VWF: variants seen among roughly 807,000 people sequenced by gnomAD.
The protein encoded by VWF is Factor VIII related antigen.
Under a neutral mutation model 308.6 loss-of-function variants are expected in VWF, and 176 were observed. The ratio of observed to expected loss-of-function variants is 0.57; its 90% CI spans 0.50 to 0.65. The LOEUF (loss-of-function observed/expected upper bound fraction) is 0.65, where lower values mean the gene tolerates loss of function less well. Among genes scored for constraint, VWF ranks in the 30% least tolerant of loss-of-function variants. The pLI is 0.00. For synonymous variants in VWF, 1,385 were observed against 1,443.4 expected, an observed-to-expected ratio of 0.96 and a Z score of 0.92; for missense variants, 3,146 against 3,648.2, an observed-to-expected ratio of 0.86 and a Z score of 3.55.
intron 2 of VWF, among the ~76,000 whole-genome samples, chr12:6,122,150 C>T (rs967350722): frequency 4.6e-5 from 7 of 152,126 alleles, no homozygotes; most frequent in African/African-American, 7.2e-5. Flanking sequence ...AACAATTTGT[C>T]GTGCTAGTGT....
chr12:5,982,936 G>A (rs1170050162), intron 41 of VWF, among the ~76,000 whole-genome samples: 1 of 152,176 alleles, frequency 6.6e-6, no homozygotes, highest in Non-Finnish European at 1.5e-5. Context: ...CTGTGGCTGT[G>A]CCCACACCTG....
At chr12:5,982,985 A>G (rs1342630170) in intron 41 of VWF, among the ~76,000 whole-genome samples, 165 bp downstream of exon 41, 2 of 152,216 alleles carry the variant, frequency 1.3e-5, no homozygotes, top group African/African-American at 4.8e-5. Flanking sequence ...GATTCCGTGC[A>G]GGTGTGACCC....
intron 18 of VWF, among the ~76,000 whole-genome samples, chr12:6,038,480 A>G (rs979572798): frequency 2.6e-5 from 4 of 151,796 alleles, no homozygotes; most frequent in African/African-American, 4.8e-5. Context: ...TGCATGCTGC[A>G]TGTTTTTACC....
At chr12:6,023,122 A>G (rs1329054385) in intron 25 of VWF, among the ~76,000 whole-genome samples, 1 of 152,088 alleles carries the variant, frequency 6.6e-6, no homozygotes, top group Non-Finnish European at 1.5e-5. Flanking sequence ...GGGTCTTGCT[A>G]TGTTGCCCAG....
rs188770015 is a variant in VWF, at chr12:6,017,415, A to G, written c.5054-545T>C. On this transcript the variant is annotated intron_variant, in intron 28 of 51. Transcript: ENST00000261405. ...TTGTTTTCCTCAGCAGAAATATTAC[A>G]AGAATTTAAATAAATCTATGGCCGT... 3.5e-4 allele frequency among the ~76,000 whole-genome samples: 53 copies of G among 152,380 alleles called. 1 individual carries two copies. Among genetic ancestry groups the G allele is most frequent in the African/African-American group, 1.2e-3 (51 of 41,592 alleles).
At chr12:6,010,784 G>A (rs142531355) in intron 34 of VWF, among the ~76,000 whole-genome samples, 1 of 152,322 alleles carries the variant, frequency 6.6e-6, no homozygotes, top group East Asian at 1.9e-4. Context: ...GAGGCAGGCA[G>A]CCTAAATTGG....
chr12:6,005,160 T>C (rs1030794959), intron 34 of VWF, among the ~76,000 whole-genome samples: 1 of 152,136 alleles, frequency 6.6e-6, no homozygotes, highest in Non-Finnish European at 1.5e-5. Context: ...TACCAGACAA[T>C]AAAACATACC....
chr12:5,961,996 G>A (rs185691158), intron 47 of VWF, among the ~76,000 whole-genome samples: 1 of 152,046 alleles, frequency 6.6e-6, no homozygotes, highest in East Asian at 1.9e-4. Flanking sequence ...ATGCCCTAGT[G>A]CCTTTTGCCT....
rs748315151 is a variant in VWF at position 5,971,688 on chromosome 12, C to A, written c.7459G>T (p.Glu2487Ter). Residue 2487 changes from glutamate (E) to a stop codon, truncating the protein, a stop_gained, in exon 44 of 52, where the codon GAA (glutamate) becomes TAA (stop). Transcript: ENST00000261405. LOFTEE classifies it high-confidence loss of function. ...CRSGFTYVLH[E>*]GECCGRCLPS... ...AGGCACCTTCCACAGCACTCGCCTT[C>A]ATGCAGAACGTAAGTGAAGCCCTGG... 6.2e-7 allele frequency: 1 copy of A among 1,614,224 alleles called. No individual in the cohort carries two copies. Among genetic ancestry groups the A allele is most frequent in the Non-Finnish European group, 8.5e-7 (1 of 1,180,040 alleles).
chr12:5,991,570 C>A (rs1329389896), intron 38 of VWF, among the ~76,000 whole-genome samples: 1 of 152,154 alleles, frequency 6.6e-6, no homozygotes, highest in African/African-American at 2.4e-5. Context: ...TAATAACAAT[C>A]ATAATAATAA....
At chr12:5,973,229 A>ATTCCCTCGCTTATAT (rs1440262505) in intron 43 of VWF, among the ~76,000 whole-genome samples, 1 of 152,072 alleles carries the variant, frequency 6.6e-6, no homozygotes, top group African/African-American at 2.4e-5. Flanking sequence ...CCTCCAACAA[A>ATTCCCTCGCTTATAT]TTCCCTCGCT....
chr12:6,082,205 T>C (rs1944920980), intron 6 of VWF, among the ~76,000 whole-genome samples: 3 of 152,202 alleles, frequency 2.0e-5, no homozygotes, highest in South Asian at 2.1e-4. Context: ...GACCTCATGA[T>C]CTGCCCGCCT....
Position 6,013,645 on chromosome 12 carries a change from C to T in VWF, c.5456G>A (p.Arg1819Lys), listed in dbSNP as rs767687582. Residue 1819 changes from arginine (R) to lysine (K), a missense_variant and splice_region_variant, in exon 32 of 52, where the codon AGA (arginine) becomes AAA (lysine). By Grantham distance (26) the Arg-to-Lys change is conservative. Coordinates refer to ENST00000261405, the MANE Select transcript of VWF (RefSeq NM_000552.5). The part of the protein sequence containing the change: ...DAAADAARSN[R>K]VTVFPIGIGD... ...AATTCCAATAGGGAACACTGTCACTCCTAGAGTTAGCAAAGAGACAAGAAA... is the reference window on the plus strand; with the variant it reads ...AATTCCAATAGGGAACACTGTCACTTCTAGAGTTAGCAAAGAGACAAGAAA... 3.7e-6 allele frequency: 6 copies of T among 1,612,804 alleles called. No homozygotes were observed. Among genetic ancestry groups the T allele is most frequent in the Non-Finnish European group, 5.1e-6 (6 of 1,179,852 alleles).
chr12:6,080,209 G>C (rs918665160), intron 6 of VWF, among the ~76,000 whole-genome samples: 54 of 152,190 alleles, frequency 3.5e-4, no homozygotes, highest in Non-Finnish European at 7.3e-5. Flanking sequence ...TTCTCTGCAA[G>C]CTTTTCAAAG....
At chr12:6,103,714 A>C (rs540870867) in intron 5 of VWF, among the ~76,000 whole-genome samples, 1 of 152,152 alleles carries the variant, frequency 6.6e-6, no homozygotes, top group East Asian at 1.9e-4. Context: ...TGCCATATGC[A>C]GAAGAATGAA....
chr12:6,109,097 G>T (rs1945275253), intron 5 of VWF, among the ~76,000 whole-genome samples: 1 of 151,850 alleles, frequency 6.6e-6, no homozygotes, highest in Non-Finnish European at 1.5e-5. Context: ...TATCAAAATT[G>T]GTACAGCTGG....
At chr12:6,091,859 G>T (rs1354324093) in intron 6 of VWF, among the ~76,000 whole-genome samples, 1 of 152,250 alleles carries the variant, frequency 6.6e-6, no homozygotes, top group Non-Finnish European at 1.5e-5. Flanking sequence ...CAGGGCATGA[G>T]TCCTGGCTCT....
At chr12:6,083,805 G>A (rs1015407598) in intron 6 of VWF, among the ~76,000 whole-genome samples, 2 of 152,190 alleles carry the variant, frequency 1.3e-5, no homozygotes, top group African/African-American at 2.4e-5. Flanking sequence ...GCAATACCCA[G>A]TAGGCTATAA....
intron 31 of VWF, among the ~76,000 whole-genome samples, chr12:6,013,971 A>G (rs946257222): frequency 6.6e-6 from 1 of 152,150 alleles, no homozygotes; most frequent in Admixed American, 6.5e-5. Context: ...TAGGAAAAAA[A>G]CAAAATGAGA....
Sources: allele counts gnomAD v4.1 joint callset (sites outside exome capture counted in the v4.1 genomes callset), GRCh38; gene constraint gnomAD v4.1.1; transcripts MANE v1.5; gene names NCBI Gene and HGNC (gene_info 2026-07-23, HGNC 2026-07-21).